The following RBM46 variants were observed in gnomAD, a reference collection of about 807,000 sequenced individuals.
RBM46 encodes probable RNA-binding protein 46.
Under a neutral mutation model 43.3 loss-of-function variants are expected in RBM46, and 12 were observed. That is an observed-to-expected ratio of 0.28 (90% CI 0.18 to 0.45). The LOEUF is 0.45. Ranked by LOEUF, RBM46 falls within the 20% of genes least tolerant of loss-of-function variation. RBM46 has a pLI of 1.00. For missense variants in RBM46, 412 were observed against 639.1 expected (o/e 0.64, Z 3.83); for synonymous variants, 205 against 207.6 (o/e 0.99, Z 0.11).
At position 154,798,816 on chromosome 4, in the gene RBM46, A is replaced by T. The variant is rs771566928; in HGVS notation, c.654A>T (p.Val218=). ...TFQLWGHTIQ[V]DWADPEKEVD... ...AACTATGGGGCCACACCATTCAGGT[A>T]GATTGGGCTGACCCAGAGAAAGAGG... The change falls in exon 4 of 5, where the codon GTA becomes GTT. Residue 218 remains valine (V), a synonymous_variant. Transcript: ENST00000281722. 4 of 1,566,852 alleles carry T rather than the reference A, an allele frequency of 2.6e-6. No homozygotes were observed. The African/African-American group carries it at 5.5e-5, about 22-fold the overall frequency.
In RBM46 at chr4:154,797,998, A is replaced by G. The variant is rs1734434102; in HGVS notation, c.339A>G (p.Glu113=). ...YAFVMYTTKE[E]AQLAIRILNN... ...TTGTGATGTACACTACAAAAGAAGA[A>G]GCCCAATTAGCCATCAGAATTCTTA... is the stretch of plus-strand genomic sequence containing the variant. Residue 113 remains glutamate (E), a synonymous_variant, in exon 3 of 5, where the codon GAA becomes GAG. Coordinates refer to ENST00000281722, the MANE Select transcript of RBM46 (RefSeq NM_144979.5). 6.2e-7 allele frequency: 1 copy of G among 1,612,782 alleles called. No individual in the cohort carries two copies.
chr4:154,827,958 C>G lies in RBM46; in HGVS notation c.1493C>G (p.Ser498Ter), dbSNP rs746525593. ...SGTPSVLPYT[S>*]RPYSYPGYPL... ...ACTCCCAGCGTGCTTCCTTATACTT[C>G]AAGGCCTTATTCTTATCCAGGCTAT... Residue 498 changes from serine to a stop codon, truncating the protein, a stop_gained, in exon 5 of 5, where the codon TCA becomes TGA. Coordinates refer to ENST00000281722, the MANE Select transcript of RBM46 (RefSeq NM_144979.5). LOFTEE classifies it high-confidence loss of function. 5.6e-5 allele frequency: 91 copies of G among 1,613,802 alleles called. No homozygotes were observed. Among genetic ancestry groups the G allele is most frequent in the Non-Finnish European group, 7.6e-5 (90 of 1,179,732 alleles).
chr4:154,782,423 T>C (rs1470606737), intron 1 of RBM46, among the ~76,000 whole-genome samples: 1 of 152,340 alleles, frequency 6.6e-6, no homozygotes, highest in Non-Finnish European at 1.5e-5. Context: ...CTTTATGTTA[T>C]GTGGTAATCC....
At chr4:154,793,489 A>C (rs1294856332) in intron 1 of RBM46, among the ~76,000 whole-genome samples, 4 of 152,182 alleles carry the variant, frequency 2.6e-5, no homozygotes, top group Non-Finnish European at 5.9e-5. Context: ...TGAAGTCTTA[A>C]GTTTTCCCTG....
At chr4:154,809,503 A>G (rs893276201) in intron 4 of RBM46, among the ~76,000 whole-genome samples, 2 of 152,140 alleles carry the variant, frequency 1.3e-5, no homozygotes, top group African/African-American at 4.8e-5. Context: ...AGGAGGCATG[A>G]AAAATGGAAA....
rs1240790798 is a variant in RBM46 at position 154,826,888 on chromosome 4, A to G, written c.1403-980A>G. ...CTATGGTGTAGGCATCATTTATAGT[A>G]CCAGGACAGTATTATAGAAAAAAAC... On this transcript the variant is annotated intron_variant, in intron 4 of 4. Transcript: ENST00000281722. 2.7e-6 allele frequency: 4 copies of G among 1,464,748 alleles called. No individual in the cohort carries two copies. The African/African-American group carries it at 4.3e-5, about 16-fold the overall frequency. The allele number at this position is 1,464,748 out of a possible 1,614,324, so 90.7% of individuals were successfully genotyped here. A position where few individuals can be genotyped will look rare whatever the true frequency, so the allele number is the denominator to read the frequency against.
chr4:154,810,844 A>G (rs572053235), intron 4 of RBM46, among the ~76,000 whole-genome samples: 1 of 152,286 alleles, frequency 6.6e-6, no homozygotes, highest in African/African-American at 2.4e-5. Flanking sequence ...TACTTTTTGC[A>G]AACTGATTAA....
rs757752826 is a variant in RBM46 at position 154,798,766 on chromosome 4, TA to T, written c.620-15del. On this transcript the variant is annotated splice_polypyrimidine_tract_variant and intron_variant, in intron 3 of 4. Coordinates refer to ENST00000281722, the MANE Select transcript of RBM46 (RefSeq NM_144979.5). Reference sequence around the variant, plus strand: ...TTTATTTTAATTCTCTTCAAATTATTATTTTTTTTTTACAGGAACATTCCAA... The same window carrying T: ...TTTATTTTAATTCTCTTCAAATTATTTTTTTTTTTTACAGGAACATTCCAA... 93 of 1,356,720 alleles carry T rather than the reference TA, an allele frequency of 6.9e-5. No homozygotes were observed. In the African/African-American group the frequency reaches 1.7e-3, roughly 24 times the overall value. The allele number at this position is 1,356,720 out of a possible 1,614,324, so 84.0% of individuals were successfully genotyped here.
intron 4 of RBM46, among the ~76,000 whole-genome samples, chr4:154,806,321 A>G (rs540522544): frequency 3.3e-5 from 5 of 152,008 alleles, no homozygotes; most frequent in Admixed American, 2.0e-4. Context: ...TTTCTCAGCC[A>G]TCAACAAATT....
chr4:154,794,712 A>G (rs950792831), intron 1 of RBM46, among the ~76,000 whole-genome samples: 1 of 152,168 alleles, frequency 6.6e-6, no homozygotes, highest in Non-Finnish European at 1.5e-5. Flanking sequence ...TGTTCTTCCC[A>G]GATAGCTGCA....
chr4:154,792,817 A>G (rs1189151056), intron 1 of RBM46, among the ~76,000 whole-genome samples: 1 of 152,242 alleles, frequency 6.6e-6, no homozygotes, highest in African/African-American at 2.4e-5. Context: ...TTGTTGGCAT[A>G]TCATAAGAAA....
chr4:154,784,821 G>C (rs1486692174), intron 1 of RBM46, among the ~76,000 whole-genome samples: 1 of 152,214 alleles, frequency 6.6e-6, no homozygotes. Flanking sequence ...AAGTCTGGAA[G>C]CCTCAATTGG....
At chr4:154,827,152 G>T in intron 4 of RBM46, 1 of 930,846 alleles carries the variant, frequency 1.1e-6, no homozygotes, top group Non-Finnish European at 1.3e-6. Flanking sequence ...AATGTTTATT[G>T]TGAAACAGTA....
rs1734504928 is a variant in RBM46 at position 154,799,359 on chromosome 4, T to G, written c.1197T>G (p.Asp399Glu). 6.2e-7 allele frequency: 1 copy of G among 1,613,484 alleles called. No homozygotes were observed. The highest frequency in any genetic ancestry group is 8.5e-7 in the Non-Finnish European group (1 of 1,179,526). The change falls in exon 4 of 5, where the codon GAT becomes GAG. Residue 399 changes from aspartate (D) to glutamate (E), a missense_variant. Transcript: ENST00000281722. ...TTAATTCTGCAGTAATGCATTTGGA[T>G]TATTACTGCAACAAAAATAACTGGG... ...NHFNSAVMHL[D>E]YYCNKNNWAP...
chr4:154,793,173 C>T (rs185425527), intron 1 of RBM46, among the ~76,000 whole-genome samples: 3 of 152,278 alleles, frequency 2.0e-5, no homozygotes, highest in Non-Finnish European at 4.4e-5. Flanking sequence ...GAATATTTTT[C>T]CATATCAGTA....
intron 4 of RBM46, among the ~76,000 whole-genome samples, chr4:154,823,173 G>T (rs1212911918): frequency 1.3e-5 from 2 of 151,764 alleles, no homozygotes; most frequent in Non-Finnish European, 3.0e-5. Context: ...AGTTCCAAAA[G>T]ACCACATAAA....
At chr4:154,792,918 G>C (rs563041684) in intron 1 of RBM46, among the ~76,000 whole-genome samples, 1 of 152,190 alleles carries the variant, frequency 6.6e-6, no homozygotes, top group African/African-American at 2.4e-5. Flanking sequence ...CCCCTGAAAG[G>C]GCTTTTTATT....
At chr4:154,803,116 C>T (rs1734718807) in intron 4 of RBM46, among the ~76,000 whole-genome samples, 1 of 152,140 alleles carries the variant, frequency 6.6e-6, no homozygotes, top group Non-Finnish European at 1.5e-5. Context: ...ATGGAGTTTA[C>T]TTCTGGTGAG....
At chr4:154,815,206 A>G (rs1013947345) in intron 4 of RBM46, among the ~76,000 whole-genome samples, 1 of 152,024 alleles carries the variant, frequency 6.6e-6, no homozygotes, top group African/African-American at 2.4e-5. Context: ...GGAGTGTTGT[A>G]TATAACTTGC....
Sources: gnomAD v4.1 joint callset for allele counts (sites outside exome capture counted in the v4.1 genomes callset) on GRCh38, gnomAD v4.1.1 for gene constraint, MANE v1.5 for transcripts, NCBI Gene and HGNC (gene_info 2026-07-23, HGNC 2026-07-21) for gene names.